The following KSR2 variants were observed in gnomAD, a reference collection of about 807,000 sequenced individuals.
The protein encoded by KSR2 is kinase suppressor of ras 2.
Under a neutral mutation model 107.8 loss-of-function variants are expected in KSR2, and 25 were observed. That is an observed-to-expected ratio of 0.23 (90% CI 0.17 to 0.32). The LOEUF is 0.32. KSR2 is among the 10% of genes least tolerant of loss of function. KSR2 has a pLI of 1.00. For synonymous variants in KSR2, 480 were observed against 507.0 expected (o/e 0.95, Z 0.71); for missense variants, 887 against 1,268.9 (o/e 0.70, Z 4.57).
intron 4 of KSR2, among the ~76,000 whole-genome samples, chr12:117,740,569 A>T (rs181431993): frequency 4.7e-5 from 4 of 84,894 alleles, no homozygotes; most frequent in South Asian, 9.7e-4. Flanking sequence ...ATGAATATAT[A>T]ACATATATTA....
At chr12:117,676,890 T>C (rs1452302703) in intron 4 of KSR2, among the ~76,000 whole-genome samples, 1 of 152,160 alleles carries the variant, frequency 6.6e-6, no homozygotes, top group Non-Finnish European at 1.5e-5. Flanking sequence ...ACACAAACAC[T>C]GGGAACATCT....
intron 3 of KSR2, among the ~76,000 whole-genome samples, chr12:117,855,035 C>T (rs765197004): frequency 6.8e-6 from 1 of 146,638 alleles, no homozygotes; most frequent in East Asian, 1.9e-4. Context: ...GTTTATGTTA[C>T]AATTAATGCA....
intron 3 of KSR2, among the ~76,000 whole-genome samples, chr12:117,799,651 G>A (rs181282972): frequency 1.3e-4 from 20 of 152,280 alleles, no homozygotes; most frequent in African/African-American, 4.6e-4. Flanking sequence ...CAGGGATCAA[G>A]CGGACTGGTA....
intron 3 of KSR2, among the ~76,000 whole-genome samples, chr12:117,792,047 G>C (rs1471046587): frequency 6.6e-6 from 1 of 152,094 alleles, no homozygotes; most frequent in African/African-American, 2.4e-5. Context: ...ATAAAGCATT[G>C]CGGTTTTGGC....
intron 5 of KSR2, among the ~76,000 whole-genome samples, chr12:117,635,039 G>T (rs903051414): frequency 1.4e-4 from 22 of 152,316 alleles, no homozygotes; most frequent in African/African-American, 4.8e-4. Flanking sequence ...CAGCCAATCA[G>T]ACATCCACAC....
chr12:117,526,306 C>T (rs1875161105), intron 13 of KSR2, among the ~76,000 whole-genome samples: 1 of 152,056 alleles, frequency 6.6e-6, no homozygotes, highest in African/African-American at 2.4e-5. Flanking sequence ...GGCGAATTGC[C>T]TCTTGGATTC....
chr12:117,629,327 T>C (rs1353176973), intron 5 of KSR2, among the ~76,000 whole-genome samples: 1 of 152,220 alleles, frequency 6.6e-6, no homozygotes, highest in African/African-American at 2.4e-5. Context: ...TATTTGGCCA[T>C]CTTGGAATGC....
intron 14 of KSR2, among the ~76,000 whole-genome samples, chr12:117,520,391 T>C (rs1874676058): frequency 6.6e-6 from 1 of 152,206 alleles, no homozygotes; most frequent in Non-Finnish European, 1.5e-5. Flanking sequence ...ACCAGGGAAC[T>C]GATTTCAGCA....
rs1482700380 is a variant in KSR2, at chr12:117,454,303, C to G, written c.*12896G>C. Reference sequence around the variant, plus strand: ...GAATACTCTGGAGGGGCTGCTGATGCTGAGAAAGTGTTGATGAAATCATTA... The same window carrying G: ...GAATACTCTGGAGGGGCTGCTGATGGTGAGAAAGTGTTGATGAAATCATTA... On this transcript the variant is annotated 3_prime_UTR_variant, in exon 20 of 20. Coordinates refer to ENST00000339824, the MANE Select transcript of KSR2 (RefSeq NM_173598.6). The G allele has an allele frequency of 2.7e-5, 4 of 150,108 alleles. No homozygotes were observed. The highest frequency in any genetic ancestry group is 2.6e-4 in the Admixed American group (4 of 15,198). 9.3% of individuals were successfully genotyped at this position (150,108 alleles called of 1,614,324 possible).
intron 1 of KSR2, among the ~76,000 whole-genome samples, chr12:117,939,944 AACACACACACACACACACACACACAC>A (rs10561468): frequency 1.4e-5 from 2 of 140,070 alleles, no homozygotes; most frequent in Admixed American, 7.2e-5. Context: ...CCATCTTAAA[AACACACACACACACACACACACACAC>A]ACACACACAC....
chr12:117,860,524 C>T (rs1003020913), intron 1 of KSR2, 93 bp from the exon 2 acceptor site: 18 of 1,225,544 alleles, frequency 1.5e-5, no homozygotes, highest in Non-Finnish European at 1.7e-5. Flanking sequence ...CCACCCTAAA[C>T]CCAGCCAACT....
chr12:117,551,653 T>C (rs992507295), intron 9 of KSR2, among the ~76,000 whole-genome samples: 11 of 151,310 alleles, frequency 7.3e-5, no homozygotes, highest in African/African-American at 2.7e-4. Flanking sequence ...CAAAGAGCAG[T>C]GAAAAAAAAA....
At chr12:117,539,638 G>A in intron 10 of KSR2, 81 bp downstream of exon 10, 1 of 1,335,532 alleles carries the variant, frequency 7.5e-7, no homozygotes, top group South Asian at 1.5e-5. Flanking sequence ...CTGCATCAGG[G>A]CTCTGGCATG....
At chr12:117,858,686 A>G (rs1283331215) in intron 2 of KSR2, among the ~76,000 whole-genome samples, 1 of 152,200 alleles carries the variant, frequency 6.6e-6, no homozygotes, top group African/African-American at 2.4e-5. Context: ...ACAGGAAAAC[A>G]AGGCTAATGC....
chr12:117,688,872 C>G (rs1885696738), intron 4 of KSR2, among the ~76,000 whole-genome samples: 1 of 152,222 alleles, frequency 6.6e-6, no homozygotes, highest in African/African-American at 2.4e-5. Context: ...ACTCTAGACA[C>G]CCGGTCACAA....
At chr12:117,736,250 T>C (rs1887931022) in intron 4 of KSR2, among the ~76,000 whole-genome samples, 1 of 152,180 alleles carries the variant, frequency 6.6e-6, no homozygotes, top group African/African-American at 2.4e-5. Flanking sequence ...CTCAGGGAAA[T>C]GAAACACTCC....
intron 3 of KSR2, among the ~76,000 whole-genome samples, chr12:117,832,833 G>A (rs1892029358): frequency 6.6e-6 from 1 of 152,204 alleles, no homozygotes; most frequent in Admixed American, 6.5e-5. Context: ...CCAATGCACT[G>A]CTGCCTGGGA....
intron 4 of KSR2, among the ~76,000 whole-genome samples, chr12:117,684,732 A>G (rs1306135125): frequency 6.6e-6 from 1 of 152,164 alleles, no homozygotes; most frequent in Middle Eastern, 3.2e-3. Flanking sequence ...CTCATGACAC[A>G]TTATCTCATT....
intron 4 of KSR2, among the ~76,000 whole-genome samples, chr12:117,694,093 C>A (rs1265805141): frequency 3.3e-5 from 5 of 152,172 alleles, no homozygotes; most frequent in Non-Finnish European, 7.3e-5. Flanking sequence ...CACTGCATGG[C>A]TAGTGCGAAT....
Sources: allele counts gnomAD v4.1 joint callset (sites outside exome capture counted in the v4.1 genomes callset), GRCh38; gene constraint gnomAD v4.1.1; transcripts MANE v1.5; gene names NCBI Gene and HGNC (gene_info 2026-07-23, HGNC 2026-07-21).